The following PCNT variants were observed in gnomAD, a reference collection of about 807,000 sequenced individuals.
The protein encoded by PCNT is kendrin.
A neutral mutation model predicts 380.4 loss-of-function variants in PCNT; 319 were observed. The ratio of observed to expected loss-of-function variants is 0.84; its 90% confidence interval spans 0.77 to 0.92. The LOEUF is 0.92. Among genes scored for constraint, PCNT ranks in the 40% least tolerant of loss-of-function variants. PCNT has a pLI of 0.00. For synonymous variants in PCNT, 1,845 were observed against 1,735.2 expected (o/e 1.06, Z -1.57); for missense variants, 4,400 against 4,255.3 (o/e 1.03, Z -0.95).
chr21:46,443,111 G>A (rs761649399), intron 44 of PCNT: 5 of 172,560 alleles, frequency 2.9e-5, no homozygotes, highest in South Asian at 1.3e-4. Flanking sequence ...CACAGAGAAC[G>A]CGGGGTGGGT....
At position 46,412,000 on chromosome 21, in the gene PCNT, C is replaced by T. The variant is rs1014361709; in HGVS notation, c.5927C>T (p.Ala1976Val). The change falls in exon 28 of 47, where the codon GCC (alanine) becomes GTC (valine). Residue 1976 changes from alanine (A) to valine (V), a missense_variant. Transcript: ENST00000359568. Reference sequence around the variant, plus strand: ...CCTCGCATGGATGGTGGCGCCAAGGCCCAGGTCACCGGCGACGTGGAGGCC... The same window carrying T: ...CCTCGCATGGATGGTGGCGCCAAGGTCCAGGTCACCGGCGACGTGGAGGCC... Reference protein sequence around the residue: ...PQPRMDGGAKAQVTGDVEASH... With the variant: ...PQPRMDGGAKVQVTGDVEASH... 1 of 1,606,296 alleles carries T rather than the reference C, an allele frequency of 6.2e-7. No homozygotes were observed. The highest frequency in any genetic ancestry group is 1.3e-5 in the African/African-American group (1 of 74,906).
At chr21:46,442,708 C>T (rs2053641771) in intron 44 of PCNT, 135 bp downstream of exon 44, 2 of 722,800 alleles carry the variant, frequency 2.8e-6, no homozygotes, top group Non-Finnish European at 4.9e-6. Context: ...TGAATTCCGT[C>T]AGAGCAGTCG....
rs1358730982 is a variant in PCNT at position 46,411,310 on chromosome 21, T to C, written c.5237T>C (p.Ile1746Thr). 3.7e-6 allele frequency: 6 copies of C among 1,614,046 alleles called. No individual in the cohort carries two copies. Among genetic ancestry groups the C allele is most frequent in the South Asian group, 3.3e-5 (3 of 91,092 alleles). The change falls in exon 28 of 47, where the codon ATT (isoleucine) becomes ACT (threonine). Residue 1746 changes from isoleucine to threonine, a missense_variant. Physicochemically the swap from Ile to Thr is moderately conservative, Grantham distance 89. Coordinates refer to ENST00000359568, the MANE Select transcript of PCNT (RefSeq NM_006031.6). Reference protein sequence around the residue: ...AEEIEQLHEVIEKLQHELSLM... With the variant: ...AEEIEQLHEVTEKLQHELSLM... Reference sequence around the variant, plus strand: ...GAAATTGAACAACTCCATGAAGTCATTGAGAAGCTGCAGCACGAGCTGTCC... The same window carrying C: ...GAAATTGAACAACTCCATGAAGTCACTGAGAAGCTGCAGCACGAGCTGTCC...
At chr21:46,327,620 C>G (rs1486479842) in intron 2 of PCNT, among the ~76,000 whole-genome samples, 3 of 152,300 alleles carry the variant, frequency 2.0e-5, no homozygotes, top group Middle Eastern at 3.4e-3. Flanking sequence ...TACTTGAAGA[C>G]AAGTGTCAGT....
rs555800436 is a variant in PCNT, at chr21:46,379,845, G to A, written c.3166-1849G>A. Among the ~76,000 whole-genome samples, 113 of 152,242 alleles carry A rather than the reference G, an allele frequency of 7.4e-4. No homozygotes were observed. In the Middle Eastern group the frequency reaches 0.01, roughly 14 times the overall value. ...TGCATTGTGCCCTCAGGGCTCTGGCGGGCGGTGGACAGCCTGGCCCTGGCC... is the reference window on the plus strand; with the variant it reads ...TGCATTGTGCCCTCAGGGCTCTGGCAGGCGGTGGACAGCCTGGCCCTGGCC... On this transcript the variant is annotated intron_variant, in intron 15 of 46. Transcript: ENST00000359568.
rs1269544228 is a variant in PCNT, at chr21:46,416,954, G to T, written c.6921+115G>T. 6.0e-6 allele frequency: 6 copies of T among 1,003,114 alleles called. 1 individual carries two copies. In the East Asian group the frequency reaches 1.0e-4, roughly 18 times the overall value. The allele number at this position is 1,003,114 out of a possible 1,614,324, so 62.1% of individuals were successfully genotyped here. ...CTGACAGCACACACCTCGCAGTGCT[G>T]TGTGGGGCCAGCTCTGCAGGACTGG... On this transcript the variant is annotated intron_variant, in intron 30 of 46. Coordinates refer to ENST00000359568, the MANE Select transcript of PCNT (RefSeq NM_006031.6).
Position 46,353,103 on chromosome 21 carries a change from GA to G in PCNT, c.1457del (p.Glu486GlyfsTer16). The stretch of plus-strand genomic sequence containing the variant: ...GATTGCCTGACTCCGTTATGTTGCA[GA>G]GCTACATGAGCAACTCCTGGCGCGC... ...SARTSRQELS[E>X]LHEQLLARTS... On this transcript the variant is annotated frameshift_variant and splice_region_variant, in exon 10 of 47. Transcript: ENST00000359568. LOFTEE classifies it high-confidence loss of function. The G allele has an allele frequency of 6.2e-7, 1 of 1,612,510 alleles. No homozygotes were observed. The highest frequency in any genetic ancestry group is 8.5e-7 in the Non-Finnish European group (1 of 1,178,782).
intron 15 of PCNT, among the ~76,000 whole-genome samples, chr21:46,375,099 C>T (rs1329866731): frequency 2.0e-5 from 3 of 152,112 alleles, no homozygotes; most frequent in Non-Finnish European, 4.4e-5. Context: ...TGAGGAAAGT[C>T]CTCTGAAAAC....
chr21:46,414,455 C>CCTCCT (rs2086929493), intron 29 of PCNT, among the ~76,000 whole-genome samples: 1 of 122,856 alleles, frequency 8.1e-6, no homozygotes, highest in Admixed American at 7.9e-5. Context: ...CAGTCGCCCA[C>CCTCCT]CCTCCTCCTC....
rs781203130 is a variant in PCNT, at chr21:46,430,015, C to T, written c.7696C>T (p.Leu2566=). Reference sequence around the variant, plus strand: ...TGTTCTTTTGTCTTTCTCAGTTGAACTGCTGGCTTATAAAGTAGAGCAGGA... The same window carrying T: ...TGTTCTTTTGTCTTTCTCAGTTGAATTGCTGGCTTATAAAGTAGAGCAGGA... ...QEHQLRRQVE[L]LAYKVEQEKC... Residue 2566 remains leucine (L), a synonymous_variant, in exon 36 of 47, where the codon CTG becomes TTG. Transcript: ENST00000359568. The T allele has an allele frequency of 2.5e-6, 4 of 1,613,912 alleles. No homozygotes were observed. Among genetic ancestry groups the T allele is most frequent in the Non-Finnish European group, 3.4e-6 (4 of 1,179,842 alleles).
intron 35 of PCNT, among the ~76,000 whole-genome samples, chr21:46,428,994 G>A (rs71326328): frequency 0.12 from 18,035 of 152,284 alleles, 1,185 homozygotes; most frequent in East Asian, 0.2. Context: ...GTTCTCTCAC[G>A]TGCTGTGCCG....
intron 3 of PCNT, among the ~76,000 whole-genome samples, chr21:46,339,323 T>C (rs68063691): frequency 0.18 from 27,994 of 152,186 alleles, 3,063 homozygotes; most frequent in East Asian, 0.44. Context: ...TTGTGTTCAC[T>C]GCCGTGGCCA....
Position 46,432,136 on chromosome 21 carries a change from C to T in PCNT, c.8672C>T (p.Ala2891Val), listed in dbSNP as rs144963695. 84 of 1,613,956 alleles carry T rather than the reference C, an allele frequency of 5.2e-5. No individual in the cohort carries two copies. The African/African-American group carries it at 9.1e-4, about 17-fold the overall frequency. Residue 2891 changes from alanine (A) to valine (V), a missense_variant, in exon 38 of 47, where the codon GCG becomes GTG. Coordinates refer to ENST00000359568, the MANE Select transcript of PCNT (RefSeq NM_006031.6). ...AAAGAGCAAGAAGGACGCAAGGCTG[C>T]GAGGAGGAGCGCGGAGGCCAGGCAG... ...RLKEQEGRKA[A>V]RRSAEARQSP... is the part of the protein sequence containing the mutation.
intron 2 of PCNT, among the ~76,000 whole-genome samples, chr21:46,332,170 G>T (rs886828994): frequency 3.9e-5 from 6 of 152,128 alleles, no homozygotes; most frequent in African/African-American, 1.4e-4. Flanking sequence ...CCAAAAAAAA[G>T]AGAACCATCC....
At chr21:46,423,833 G>C (rs2087373356) in intron 32 of PCNT, among the ~76,000 whole-genome samples, 1 of 135,572 alleles carries the variant, frequency 7.4e-6, no homozygotes, top group African/African-American at 2.7e-5. Flanking sequence ...AGGGGGAGGG[G>C]GAGGGGAGAG....
At position 46,411,950 on chromosome 21, in the gene PCNT, ACGGGTGCCCGGGGCCCACCCACAG is replaced by A. The variant is rs747612544; in HGVS notation, c.5879_5902del (p.Arg1960_Gln1967del). 1.3e-5 allele frequency: 20 copies of A among 1,597,552 alleles called. No individual in the cohort carries two copies. In the Admixed American group the frequency reaches 3.3e-4, roughly 27 times the overall value. On this transcript the variant is annotated inframe_deletion, in exon 28 of 47. Coordinates refer to ENST00000359568, the MANE Select transcript of PCNT (RefSeq NM_006031.6). Reference sequence around the variant, plus strand: ...AGGCCCGCAGAGCCACAGCTCACACACGGGTGCCCGGGGCCCACCCACAGCCTCGCATGGATGGTGGCGCCAAGG... The same window carrying A: ...AGGCCCGCAGAGCCACAGCTCACACACCTCGCATGGATGGTGGCGCCAAGG...
At chr21:46,365,386 TG>T (rs2084873000) in intron 14 of PCNT, among the ~76,000 whole-genome samples, 1 of 144,236 alleles carries the variant, frequency 6.9e-6, no homozygotes, top group Non-Finnish European at 1.5e-5. Flanking sequence ...CGTGGGGTTC[TG>T]TTCACTGCCG....
rs75305602 is a variant in PCNT at position 46,442,684 on chromosome 21, G to A, written c.9700+111G>A. 1,741 of 770,672 alleles carry A rather than the reference G, an allele frequency of 2.3e-3. 33 individuals are homozygous for A. The African/African-American group carries it at 0.027, about 12-fold the overall frequency. The allele number at this position is 770,672 out of a possible 1,614,324, so 47.7% of individuals were successfully genotyped here. A position where few individuals can be genotyped will look rare whatever the true frequency, so the allele number is the denominator to read the frequency against. ...TGTTGATGGGGACGTAATAAAGCAC[G>A]GTAAGAAAATCCGTGAATTCCGTCA... On this transcript the variant is annotated intron_variant, in intron 44 of 46. Transcript: ENST00000359568.
At chr21:46,410,139 C>T (rs980683161) in intron 27 of PCNT, among the ~76,000 whole-genome samples, 5 of 152,184 alleles carry the variant, frequency 3.3e-5, no homozygotes, top group Non-Finnish European at 5.9e-5. Context: ...CAGTAAGGCA[C>T]GCGACGGGGA....
Sources: gnomAD v4.1 joint callset for allele counts (sites outside exome capture counted in the v4.1 genomes callset) on GRCh38, gnomAD v4.1.1 for gene constraint, MANE v1.5 for transcripts, NCBI Gene and HGNC (gene_info 2026-07-23, HGNC 2026-07-21) for gene names.